Variants in ANKRD17 observed in about 807,000 individuals in gnomAD.
ANKRD17 encodes ankyrin repeat domain-containing protein 17.
ANKRD17 carries 19 observed loss-of-function variants against 229.7 expected under a neutral mutation model. The observed-to-expected ratio is 0.08, with a 90% confidence interval of 0.06 to 0.12. The LOEUF is 0.12. ANKRD17 is among the 10% of genes least tolerant of loss of function. ANKRD17 has a pLI of 1.00. For missense variants in ANKRD17, 2,176 were observed against 3,176.8 expected (o/e 0.68, Z 7.57); for synonymous variants, 1,112 against 1,146.1 (o/e 0.97, Z 0.60).
chr4:73,101,596 C>T (rs766725922), intron 25 of ANKRD17, among the ~76,000 whole-genome samples: 6 of 137,816 alleles, frequency 4.4e-5, no homozygotes, highest in Admixed American at 1.7e-4. Flanking sequence ...ACCCGGGAAA[C>T]GGAGGTTGCA....
chr4:73,174,439 T>C (rs1464932492), intron 2 of ANKRD17, among the ~76,000 whole-genome samples: 2 of 152,164 alleles, frequency 1.3e-5, no homozygotes, highest in African/African-American at 2.4e-5. Context: ...TATCTCAAGG[T>C]AATAAAAGCC....
chr4:73,144,988 T>A (rs1030448053), intron 10 of ANKRD17, among the ~76,000 whole-genome samples, 156 bp from the exon 11 acceptor site: 5 of 152,236 alleles, frequency 3.3e-5, no homozygotes, highest in East Asian at 3.9e-4. Flanking sequence ...CTTTTAAATT[T>A]AAAAAAAATC....
At chr4:73,138,439 G>C (rs970554314) in intron 15 of ANKRD17, among the ~76,000 whole-genome samples, 19 of 152,032 alleles carry the variant, frequency 1.2e-4, no homozygotes, top group African/African-American at 4.1e-4. Flanking sequence ...TGGATTCTTA[G>C]TGTCTGAACG....
chr4:73,142,907 A>G, intron 11 of ANKRD17, 140 bp from the exon 12 acceptor site: 1 of 877,266 alleles, frequency 1.1e-6, no homozygotes, highest in East Asian at 2.9e-5. Context: ...ATGATTATAA[A>G]CACAAGGCCA....
intron 1 of ANKRD17, among the ~76,000 whole-genome samples, chr4:73,184,528 CAAAAAA>C (rs776930137): frequency 3.3e-5 from 1 of 29,970 alleles, no homozygotes; most frequent in South Asian, 1.3e-3. Context: ...GACTTCCTCT[CAAAAAA>C]AAAAAAAAAA....
intron 1 of ANKRD17, among the ~76,000 whole-genome samples, chr4:73,238,628 T>G (rs764095475): frequency 5.3e-5 from 8 of 150,976 alleles, no homozygotes; most frequent in Non-Finnish European, 8.8e-5. Context: ...CTGGTTATCC[T>G]ACTTGGGGAT....
chr4:73,077,187 T>A (rs929574211), intron 32 of ANKRD17, 83 bp from the exon 33 acceptor site: 3 of 1,417,044 alleles, frequency 2.1e-6, no homozygotes, highest in Non-Finnish European at 2.8e-6. Context: ...AAATTGATAT[T>A]TGAAAGTTCA....
At chr4:73,152,898 C>T (rs866298873) in intron 6 of ANKRD17, among the ~76,000 whole-genome samples, 6 of 152,150 alleles carry the variant, frequency 3.9e-5, no homozygotes, top group African/African-American at 2.4e-5. Flanking sequence ...TAATCAAAAG[C>T]ACTTTATAAA....
intron 1 of ANKRD17, among the ~76,000 whole-genome samples, chr4:73,235,996 G>A (rs752703238): frequency 2.0e-5 from 3 of 150,086 alleles, no homozygotes; most frequent in Non-Finnish European, 4.4e-5. Context: ...GAGCCACCAC[G>A]CCCAACCATA....
intron 2 of ANKRD17, among the ~76,000 whole-genome samples, chr4:73,172,924 C>G (rs1353513067): frequency 6.6e-6 from 1 of 152,080 alleles, no homozygotes; most frequent in African/African-American, 2.4e-5. Flanking sequence ...AACTTGAAAA[C>G]AAATAACCAA....
At chr4:73,078,087 T>C (rs1053657650) in intron 31 of ANKRD17, among the ~76,000 whole-genome samples, 1 of 151,858 alleles carries the variant, frequency 6.6e-6, no homozygotes, top group African/African-American at 2.4e-5. Context: ...CTGTCTCTAC[T>C]AAAAATACAG....
intron 22 of ANKRD17, among the ~76,000 whole-genome samples, chr4:73,117,271 G>A (rs940134798): frequency 6.6e-6 from 1 of 152,054 alleles, no homozygotes; most frequent in Non-Finnish European, 1.5e-5. Context: ...GTGAGAGATA[G>A]GAACAAGGAA....
chr4:73,215,194 C>G (rs1322421057), intron 1 of ANKRD17, among the ~76,000 whole-genome samples: 1 of 152,008 alleles, frequency 6.6e-6, no homozygotes, highest in Non-Finnish European at 1.5e-5. Context: ...TTTTGGAGAT[C>G]TTATATCTGA....
chr4:73,102,789 T>C (rs1039389527), intron 24 of ANKRD17: 1 of 430,724 alleles, frequency 2.3e-6, no homozygotes, highest in South Asian at 3.5e-5. Flanking sequence ...AACAGATACA[T>C]AGCTTTTAAT....
chr4:73,185,599 C>T (rs1411762908), intron 1 of ANKRD17, among the ~76,000 whole-genome samples: 5 of 151,890 alleles, frequency 3.3e-5, no homozygotes, highest in Non-Finnish European at 5.9e-5. Flanking sequence ...TAGTAAGTGT[C>T]AATGATTGAT....
chr4:73,154,077 T>C lies in ANKRD17; in HGVS notation c.1037A>G (p.Tyr346Cys). Residue 346 changes from tyrosine (Y) to cysteine (C), a missense_variant, in exon 6 of 34, where the codon TAT becomes TGT. Coordinates refer to ENST00000358602, the MANE Select transcript of ANKRD17 (RefSeq NM_032217.5). ...TALTYACAGG[Y>C]VDVVKVLLES... ...CAAGAGCACCTTTACAACATCTACATAGCCTCCAGCACAAGCATATGTAAG... is the reference window on the plus strand; with the variant it reads ...CAAGAGCACCTTTACAACATCTACACAGCCTCCAGCACAAGCATATGTAAG... The C allele has an allele frequency of 6.2e-7, 1 of 1,610,168 alleles. No homozygotes were observed. The highest frequency in any genetic ancestry group is 8.5e-7 in the Non-Finnish European group (1 of 1,178,438).
intron 16 of ANKRD17, among the ~76,000 whole-genome samples, chr4:73,131,721 T>C (rs1728225690): frequency 6.6e-6 from 1 of 152,222 alleles, no homozygotes; most frequent in Admixed American, 6.5e-5. Context: ...GCAAGGTAGT[T>C]AATATCTTTA....
intron 10 of ANKRD17, 127 bp downstream of exon 10, chr4:73,146,637 C>CA (rs1431069377): frequency 1.8e-5 from 13 of 730,250 alleles, no homozygotes; most frequent in Non-Finnish European, 2.7e-5. Context: ...GAAAGAATGG[C>CA]AAAAAAATAA....
At chr4:73,108,804 C>T (rs1429616298) in intron 24 of ANKRD17, among the ~76,000 whole-genome samples, 2 of 152,044 alleles carry the variant, frequency 1.3e-5, no homozygotes, top group African/African-American at 4.8e-5. Flanking sequence ...AGAAATGGGT[C>T]TGTAGCTAAA....
Sources: allele counts gnomAD v4.1 joint callset (sites outside exome capture counted in the v4.1 genomes callset), GRCh38; gene constraint gnomAD v4.1.1; transcripts MANE v1.5; gene names NCBI Gene and HGNC (gene_info 2026-07-23, HGNC 2026-07-21).